Variants in CNTN1 observed in about 807,000 individuals in gnomAD.
The protein encoded by CNTN1 is contactin-1.
Under a neutral mutation model 126.4 loss-of-function variants are expected in CNTN1, and 38 were observed. The ratio of observed to expected loss-of-function variants is 0.30; its 90% CI spans 0.23 to 0.39. The LOEUF (loss-of-function observed/expected upper bound fraction) is 0.39. CNTN1 is among the 10% of genes least tolerant of loss of function. The pLI is 1.00. For synonymous variants in CNTN1, 413 were observed against 422.6 expected, an observed-to-expected ratio of 0.98 and a Z score of 0.28; for missense variants, 1,009 against 1,248.4, an observed-to-expected ratio of 0.81 and a Z score of 2.89.
chr12:40,730,700 C>T (rs1466743215), intron 1 of CNTN1, among the ~76,000 whole-genome samples: 1 of 152,176 alleles, frequency 6.6e-6, no homozygotes, highest in Admixed American at 6.5e-5. Flanking sequence ...TTTCATACCA[C>T]TGACATGTTA....
chr12:40,927,989 T>TA (rs1249913882), intron 6 of CNTN1, among the ~76,000 whole-genome samples: 2 of 152,078 alleles, frequency 1.3e-5, no homozygotes, highest in Non-Finnish European at 2.9e-5. Context: ...ACTGGCCTGA[T>TA]AAAAAAGTCA....
intron 1 of CNTN1, among the ~76,000 whole-genome samples, chr12:40,818,406 T>C (rs1215421537): frequency 6.6e-6 from 1 of 152,196 alleles, no homozygotes; most frequent in African/African-American, 2.4e-5. Flanking sequence ...GCATGTTTTA[T>C]TTCAGTAAGG....
At chr12:40,847,596 A>T (rs1942559054) in intron 1 of CNTN1, among the ~76,000 whole-genome samples, 1 of 152,252 alleles carries the variant, frequency 6.6e-6, no homozygotes, top group Non-Finnish European at 1.5e-5. Flanking sequence ...GCAAATTAAA[A>T]CTGTAAACTG....
intron 23 of CNTN1, among the ~76,000 whole-genome samples, chr12:41,043,658 C>A (rs1442316644): frequency 3.1e-4 from 47 of 152,112 alleles, no homozygotes; most frequent in Admixed American, 3.1e-3. Flanking sequence ...GGTATATACC[C>A]AAAGGACTTT....
chr12:40,845,293 A>G (rs1942457317), intron 1 of CNTN1, among the ~76,000 whole-genome samples: 1 of 152,338 alleles, frequency 6.6e-6, no homozygotes, highest in Middle Eastern at 3.4e-3. Context: ...TAGAATTGTT[A>G]GCCCAGTAAA....
At chr12:40,952,291 T>C (rs1213477724) in intron 14 of CNTN1, among the ~76,000 whole-genome samples, 1 of 152,070 alleles carries the variant, frequency 6.6e-6, no homozygotes, top group Non-Finnish European at 1.5e-5. Context: ...CTTTGGGTAG[T>C]GTTACTTCTG....
chr12:41,038,598 G>A (rs916753197), intron 23 of CNTN1, among the ~76,000 whole-genome samples: 1 of 152,082 alleles, frequency 6.6e-6, no homozygotes, highest in Non-Finnish European at 1.5e-5. Flanking sequence ...TTAGAACTTC[G>A]ATATATGAAC....
Position 41,024,638 on chromosome 12 carries a change from T to C in CNTN1, c.2524-512T>C, listed in dbSNP as rs181638603. Among the ~76,000 whole-genome samples, 239 of 152,262 alleles carry C rather than the reference T, an allele frequency of 1.6e-3. 3 individuals are homozygous for C. The highest frequency in any genetic ancestry group is 5.4e-3 in the African/African-American group (225 of 41,574). On this transcript the variant is annotated intron_variant, in intron 20 of 23. Transcript: ENST00000551295. ...GTTCAAAGGAAATAACATTAGATAC[T>C]TCTGAAAGGAGGCAGAAGAAAGTAT...
At chr12:40,858,046 T>C (rs1942973488) in intron 1 of CNTN1, among the ~76,000 whole-genome samples, 1 of 152,198 alleles carries the variant, frequency 6.6e-6, no homozygotes, top group Admixed American at 6.5e-5. Context: ...GAAGTCAAGT[T>C]TGGCTGGGCT....
Position 40,929,933 on chromosome 12 carries a change from T to A in CNTN1, c.634T>A (p.Phe212Ile). 1 of 1,613,024 alleles carries A rather than the reference T, an allele frequency of 6.2e-7. No homozygotes were observed. The highest frequency in any genetic ancestry group is 1.1e-5 in the South Asian group (1 of 91,070). The change falls in exon 7 of 24, where the codon TTT becomes ATT. Residue 212 changes from phenylalanine to isoleucine, a missense_variant. Transcript: ENST00000551295. Reference sequence around the variant, plus strand: ...TTCCGACAAAGGCAATTATTCCTGCTTTGTTTCCAGTCCTTCTATTACAAA... The same window carrying A: ...TTCCGACAAAGGCAATTATTCCTGCATTGTTTCCAGTCCTTCTATTACAAA... The part of the protein sequence containing the change: ...EASDKGNYSC[F>I]VSSPSITKSV...
intron 23 of CNTN1, among the ~76,000 whole-genome samples, chr12:41,056,414 C>A (rs1275423991): frequency 2.6e-5 from 4 of 152,070 alleles, no homozygotes; most frequent in South Asian, 4.1e-4. Flanking sequence ...AATCTGTATA[C>A]TATGTTAGGA....
intron 1 of CNTN1, among the ~76,000 whole-genome samples, chr12:40,831,752 T>C (rs1466228948): frequency 6.6e-6 from 1 of 152,110 alleles, no homozygotes; most frequent in African/African-American, 2.4e-5. Context: ...TAAGGAAGCA[T>C]TTATTGAGAA....
intron 1 of CNTN1, among the ~76,000 whole-genome samples, chr12:40,872,571 C>CTTTTTTTTTT (rs35866838): frequency 1.8e-5 from 2 of 108,638 alleles, no homozygotes; most frequent in Non-Finnish European, 3.6e-5. Context: ...TTTTTTCTTT[C>CTTTTTTTTTT]TTTTTTTTTT....
chr12:40,697,224 C>T (rs187242926), intron 1 of CNTN1, among the ~76,000 whole-genome samples: 1 of 152,168 alleles, frequency 6.6e-6, no homozygotes. Flanking sequence ...CAGATTTATT[C>T]TCTACCAGTG....
chr12:40,741,466 T>C (rs928192744), intron 1 of CNTN1, among the ~76,000 whole-genome samples: 1 of 152,026 alleles, frequency 6.6e-6, no homozygotes, highest in African/African-American at 2.4e-5. Flanking sequence ...CAAAAAGAAA[T>C]AAAAGTGATA....
chr12:40,803,288 T>C (rs1016654096), intron 1 of CNTN1, among the ~76,000 whole-genome samples: 1 of 151,988 alleles, frequency 6.6e-6, no homozygotes, highest in East Asian at 1.9e-4. Flanking sequence ...TCTTCAACAT[T>C]GTCTCATCCC....
intron 1 of CNTN1, among the ~76,000 whole-genome samples, chr12:40,788,744 A>T (rs965464539): frequency 2.0e-5 from 3 of 152,104 alleles, no homozygotes; most frequent in Non-Finnish European, 2.9e-5. Flanking sequence ...AGGTGACTAG[A>T]GGCAAGTAAA....
chr12:40,911,558 C>T (rs967740327), intron 3 of CNTN1, among the ~76,000 whole-genome samples: 8 of 152,198 alleles, frequency 5.3e-5, no homozygotes, highest in Non-Finnish European at 8.8e-5. Flanking sequence ...CTGCTGCAAT[C>T]AGTGTTTCCC....
Position 40,933,528 on chromosome 12 carries a change from A to G in CNTN1, c.771A>G (p.Gln257=), listed in dbSNP as rs2136919555. Residue 257 remains glutamine, a synonymous_variant, in exon 8 of 24, where the codon CAA becomes CAG. Coordinates refer to ENST00000551295, the MANE Select transcript of CNTN1 (RefSeq NM_001843.4). ...AGGATGTATATGCATTGATGGGCCAAAATGTGACCTTAGAATGTTTTGCAC... is the reference window on the plus strand; with the variant it reads ...AGGATGTATATGCATTGATGGGCCAGAATGTGACCTTAGAATGTTTTGCAC... ...QFKDVYALMG[Q]NVTLECFALG... is the part of the protein sequence containing the mutation. The G allele has an allele frequency of 3.7e-6, 6 of 1,611,746 alleles. No individual in the cohort carries two copies. In the Middle Eastern group the frequency reaches 5.0e-4, roughly 133 times the overall value.
Sources: allele counts gnomAD v4.1 joint callset (sites outside exome capture counted in the v4.1 genomes callset), GRCh38; gene constraint gnomAD v4.1.1; transcripts MANE v1.5; gene names NCBI Gene and HGNC (gene_info 2026-07-23, HGNC 2026-07-21).